The following CSTF3 variants were observed in gnomAD, a reference collection of about 807,000 sequenced individuals.
CSTF3 encodes the protein cleavage stimulation factor subunit 3.
Under a neutral mutation model 105.8 loss-of-function variants are expected in CSTF3, and 29 were observed. The ratio of observed to expected loss-of-function variants is 0.27; its 90% CI spans 0.20 to 0.37. CSTF3 has a LOEUF of 0.37. CSTF3 is among the 10% of genes least tolerant of loss of function. The probability of loss-of-function intolerance (pLI) is 1.00; values close to 1 mark genes in which losing one functional copy is unlikely to be tolerated. For missense variants in CSTF3, 357 were observed against 879.3 expected (o/e 0.41, Z 7.51); for synonymous variants, 252 against 281.9 (o/e 0.89, Z 1.06).
chr11:33,091,834 C>G (rs191946274), intron 16 of CSTF3, among the ~76,000 whole-genome samples: 4 of 152,216 alleles, frequency 2.6e-5, no homozygotes, highest in African/African-American at 4.8e-5. Context: ...CCCACCTCCG[C>G]CTCCCAGTAT....
In CSTF3 at chr11:33,105,963, AT is replaced by A. The variant is rs757969383; in HGVS notation, c.423+34del. On this transcript the variant is annotated intron_variant, in intron 6 of 20. Coordinates refer to ENST00000323959, the MANE Select transcript of CSTF3 (RefSeq NM_001326.3). ...TTAATATCTTTCTTGGTATTCTTAC[AT>A]TTAAGTGCATACATTAAAAAGTTTT... The A allele has an allele frequency of 1.9e-6, 3 of 1,578,520 alleles. No individual in the cohort carries two copies. In the Admixed American group the frequency reaches 5.3e-5, roughly 28 times the overall value.
At chr11:33,085,338 G>T (rs752622416) in intron 20 of CSTF3, 49 bp from the exon 21 acceptor site, 1 of 1,440,924 alleles carries the variant, frequency 6.9e-7, no homozygotes, top group Non-Finnish European at 9.3e-7. Context: ...ACTATGAAAG[G>T]GTATGTATGT....
chr11:33,115,073 A>C (rs1855417459), intron 3 of CSTF3, among the ~76,000 whole-genome samples: 1 of 152,172 alleles, frequency 6.6e-6, no homozygotes, highest in Admixed American at 6.5e-5. Context: ...AGTTGTTCAC[A>C]ATGTGAACAA....
intron 1 of CSTF3, among the ~76,000 whole-genome samples, chr11:33,155,790 T>C (rs952870696): frequency 6.6e-6 from 1 of 152,052 alleles, no homozygotes; most frequent in African/African-American, 2.4e-5. Flanking sequence ...AATTCACAGG[T>C]AGGTCCTATC....
chr11:33,111,595 A>G (rs1259669740), intron 3 of CSTF3, among the ~76,000 whole-genome samples: 2 of 152,246 alleles, frequency 1.3e-5, no homozygotes, highest in Admixed American at 6.5e-5. Context: ...ATGCAAAAAT[A>G]GAGACAAGAA....
chr11:33,124,580 A>G (rs1161677156), intron 3 of CSTF3, among the ~76,000 whole-genome samples: 9 of 152,176 alleles, frequency 5.9e-5, no homozygotes, highest in African/African-American at 2.2e-4. Flanking sequence ...ACAGACCACC[A>G]ATTCAAATTC....
chr11:33,087,114 T>A lies in CSTF3; in HGVS notation c.1669A>T (p.Ile557Leu). 6.2e-7 allele frequency: 1 copy of A among 1,614,136 alleles called. No individual in the cohort carries two copies. Among genetic ancestry groups the A allele is most frequent in the African/African-American group, 1.3e-5 (1 of 75,032 alleles). The change falls in exon 18 of 21, where the codon ATA becomes TTA. Residue 557 changes from isoleucine (I) to leucine (L), a missense_variant. Physicochemically the swap from Ile to Leu is conservative, Grantham distance 5. Coordinates refer to ENST00000323959, the MANE Select transcript of CSTF3 (RefSeq NM_001326.3). ...GGAGCTACAACTGGGTCCGGAATTA[T>A]AGCTGCTAGCTTAGCACGGGAGACA... The part of the protein sequence containing the change: ...KDVSRAKLAA[I>L]IPDPVVAPSI...
At position 33,135,220 on chromosome 11, in the gene CSTF3, AACCCTG is replaced by A. The variant is rs745923293; in HGVS notation, c.225+6441_225+6446del. On this transcript the variant is annotated intron_variant, in intron 3 of 20. Transcript: ENST00000323959. ...GTTACAGTTAAAACAGCGTAACCCT[AACCCTG>A]ACCCTGACTGTGAATCTAACAGTTA... Among the ~76,000 whole-genome samples the A allele has an allele frequency of 5.3e-5, 8 of 152,302 alleles. No homozygotes were observed. In the South Asian group the frequency reaches 8.3e-4, roughly 16 times the overall value.
rs551070168 is a variant in CSTF3, at chr11:33,148,959, T to TG, written c.28-6974dup. 1.7e-3 allele frequency among the ~76,000 whole-genome samples: 253 copies of TG among 151,450 alleles called. 2 individuals are homozygous for TG. Among genetic ancestry groups the TG allele is most frequent in the African/African-American group, 6.0e-3 (247 of 41,314 alleles). On this transcript the variant is annotated intron_variant, in intron 1 of 20. Transcript: ENST00000323959. ...CTCCTGTCTCAGCCTCCCACGTAGC[T>TG]GGGACTACAGGCGTGTACCACCGCT...
At chr11:33,129,265 T>G (rs999661404) in intron 3 of CSTF3, among the ~76,000 whole-genome samples, 1 of 152,170 alleles carries the variant, frequency 6.6e-6, no homozygotes, top group African/African-American at 2.4e-5. Context: ...CTAATTTTTG[T>G]ATTTTTAGTA....
At chr11:33,116,450 C>A (rs1329804844) in intron 3 of CSTF3, among the ~76,000 whole-genome samples, 1 of 152,050 alleles carries the variant, frequency 6.6e-6, no homozygotes, top group Non-Finnish European at 1.5e-5. Context: ...GAAAGCTTCA[C>A]TGAGCAGATG....
chr11:33,091,019 CT>C (rs1855163738), intron 16 of CSTF3, among the ~76,000 whole-genome samples: 1 of 152,000 alleles, frequency 6.6e-6, no homozygotes, highest in South Asian at 2.1e-4. Flanking sequence ...TGAGTTTTTA[CT>C]TATTTAGTAT....
At position 33,105,573 on chromosome 11, in the gene CSTF3, A is replaced by G. The variant is rs1486626191; in HGVS notation, c.579T>C (p.Tyr193=). The change falls in exon 8 of 21, where the codon TAT becomes TAC. Residue 193 remains tyrosine (Y), a synonymous_variant. Transcript: ENST00000323959. Reference sequence around the variant, plus strand: ...CTACTCTGACCTAATTTACCTCTTCATACTTGTTATAGTCTCTCCAGAGCT... The same window carrying G: ...CTACTCTGACCTAATTTACCTCTTCGTACTTGTTATAGTCTCTCCAGAGCT... The part of the protein sequence containing the change: ...IEQLWRDYNK[Y]EEGINIHLAK... 5 of 1,608,204 alleles carry G rather than the reference A, an allele frequency of 3.1e-6. No homozygotes were observed. The African/African-American group carries it at 6.7e-5, about 22-fold the overall frequency.
chr11:33,159,344 C>A (rs370324996), intron 1 of CSTF3, among the ~76,000 whole-genome samples: 1 of 151,962 alleles, frequency 6.6e-6, no homozygotes, highest in East Asian at 1.9e-4. Flanking sequence ...GCCTGTAAAT[C>A]CAGCACTTTG....
At chr11:33,127,260 T>A (rs1855553038) in intron 3 of CSTF3, among the ~76,000 whole-genome samples, 1 of 152,210 alleles carries the variant, frequency 6.6e-6, no homozygotes, top group African/African-American at 2.4e-5. Context: ...TAAATCAGCC[T>A]ACCTGAATGT....
chr11:33,124,518 C>T (rs983774775), intron 3 of CSTF3, among the ~76,000 whole-genome samples: 1 of 151,996 alleles, frequency 6.6e-6, no homozygotes, highest in Non-Finnish European at 1.5e-5. Flanking sequence ...TTATAATAAA[C>T]ATAAAAATAA....
intron 15 of CSTF3, among the ~76,000 whole-genome samples, chr11:33,095,547 C>T (rs919212822): frequency 5.3e-5 from 8 of 152,170 alleles, no homozygotes; most frequent in East Asian, 3.9e-4. Context: ...ACCGGCCGGG[C>T]GCGGTGGCTC....
Position 33,161,406 on chromosome 11 carries a change from A to C in CSTF3, c.-81T>G. ...AAATTAAACTAAAAACCACCCCCAA[A>C]TCAGTAAAGTTACCCCCTGCCCAGC... On this transcript the variant is annotated 5_prime_UTR_variant, in exon 1 of 21. Coordinates refer to ENST00000323959, the MANE Select transcript of CSTF3 (RefSeq NM_001326.3). 28 of 1,477,004 alleles carry C rather than the reference A, an allele frequency of 1.9e-5. No individual in the cohort carries two copies. Among genetic ancestry groups the C allele is most frequent in the Non-Finnish European group, 2.4e-5 (26 of 1,066,784 alleles). 91.5% of individuals were successfully genotyped at this position (1,477,004 alleles called of 1,614,324 possible). A position where few individuals can be genotyped will look rare whatever the true frequency, so the allele number is the denominator to read the frequency against.
intron 3 of CSTF3, among the ~76,000 whole-genome samples, chr11:33,133,938 C>T (rs1237943904): frequency 6.6e-6 from 1 of 152,170 alleles, no homozygotes; most frequent in Non-Finnish European, 1.5e-5. Context: ...AAAAGTATAA[C>T]ATAGACTGCA....
Sources: gnomAD v4.1 joint callset for allele counts (sites outside exome capture counted in the v4.1 genomes callset) on GRCh38, gnomAD v4.1.1 for gene constraint, MANE v1.5 for transcripts, NCBI Gene and HGNC (gene_info 2026-07-23, HGNC 2026-07-21) for gene names.